Variants in CAMTA1 observed in about 807,000 individuals in gnomAD.
CAMTA1 encodes calmodulin-binding transcription activator 1.
Under a neutral mutation model 170.9 loss-of-function variants are expected in CAMTA1, and 27 were observed. The ratio of observed to expected loss-of-function variants is 0.16; its 90% CI spans 0.12 to 0.22. The LOEUF is 0.22. Ranked by LOEUF, CAMTA1 falls within the 10% of genes least tolerant of loss-of-function variation. The pLI, the probability that CAMTA1 is intolerant of heterozygous loss-of-function variation, is 1.00. For missense variants in CAMTA1, 1,619 were observed against 2,217.2 expected, an observed-to-expected ratio of 0.73 and a Z score of 5.42; for synonymous variants, 833 against 891.5, an observed-to-expected ratio of 0.93 and a Z score of 1.17.
intron 5 of CAMTA1, among the ~76,000 whole-genome samples, chr1:7,272,692 C>CAA (rs371588178): frequency 0.035 from 1,373 of 38,710 alleles, 137 homozygotes; most frequent in Middle Eastern, 0.12. Flanking sequence ...TAAACACATG[C>CAA]AAAAAAAAAA....
At chr1:7,165,827 A>G (rs1648285694) in intron 4 of CAMTA1, among the ~76,000 whole-genome samples, 1 of 152,204 alleles carries the variant, frequency 6.6e-6, no homozygotes, top group Non-Finnish European at 1.5e-5. Flanking sequence ...TTAAAAGTTT[A>G]TATGAGACCA....
At chr1:7,203,699 C>T (rs1252968818) in intron 4 of CAMTA1, among the ~76,000 whole-genome samples, 2 of 151,530 alleles carry the variant, frequency 1.3e-5, no homozygotes, top group African/African-American at 2.4e-5. Context: ...GTTGATAATA[C>T]TGTCCCTGTT....
At chr1:6,850,036 GAA>G (rs146898163) in intron 3 of CAMTA1, among the ~76,000 whole-genome samples, 2,392 of 65,038 alleles carry the variant, frequency 0.037, 25 homozygotes, top group South Asian at 0.065. Flanking sequence ...CTTTGTCTCA[GAA>G]AAAAAAAAAA....
intron 3 of CAMTA1, among the ~76,000 whole-genome samples, chr1:6,864,194 C>G (rs915889466): frequency 6.6e-6 from 1 of 152,160 alleles, no homozygotes; most frequent in African/African-American, 2.4e-5. Flanking sequence ...TTGACACTTT[C>G]CTCTTCTTTT....
intron 1 of CAMTA1, among the ~76,000 whole-genome samples, chr1:6,805,900 CTT>C (rs748335530): frequency 6.6e-6 from 1 of 151,218 alleles, no homozygotes; most frequent in Non-Finnish European, 1.5e-5. Flanking sequence ...TTTTTGGTCA[CTT>C]ATGCTTTTGG....
chr1:7,365,965 A>G (rs1207502287), intron 5 of CAMTA1, among the ~76,000 whole-genome samples: 1 of 152,130 alleles, frequency 6.6e-6, no homozygotes, highest in Non-Finnish European at 1.5e-5. Flanking sequence ...GGTGTCCTCT[A>G]TGGCCCTCTG....
intron 5 of CAMTA1, among the ~76,000 whole-genome samples, chr1:7,390,447 G>T (rs769038038): frequency 1.3e-5 from 2 of 152,198 alleles, no homozygotes; most frequent in Non-Finnish European, 2.9e-5. Flanking sequence ...AAAGGAGCCC[G>T]CAGATCCCAC....
intron 6 of CAMTA1, among the ~76,000 whole-genome samples, chr1:7,469,363 A>AC (rs1468907595): frequency 1.3e-5 from 2 of 152,146 alleles, no homozygotes; most frequent in Non-Finnish European, 2.9e-5. Context: ...TTTCTCCTCT[A>AC]CCCGATGAAG....
At chr1:6,957,544 TC>T (rs1336569019) in intron 3 of CAMTA1, among the ~76,000 whole-genome samples, 1 of 150,906 alleles carries the variant, frequency 6.6e-6, no homozygotes, top group East Asian at 1.9e-4. Flanking sequence ...GGTGGCCCCT[TC>T]CTCCGTCGTC....
At position 7,096,781 on chromosome 1, in the gene CAMTA1, C is replaced by T. The variant is rs181760510; in HGVS notation, c.302+5410C>T. Among the ~76,000 whole-genome samples the T allele has an allele frequency of 1.2e-3, 182 of 152,282 alleles. 1 individual carries two copies. Among genetic ancestry groups the T allele is most frequent in the African/African-American group, 4.3e-3 (179 of 41,544 alleles). ...TCCTACTAGGTTTCCTTCTCTAAGT[C>T]GAACTCCTCCTCCCCATTGGTTTGC... On this transcript the variant is annotated intron_variant, in intron 4 of 22. Coordinates refer to ENST00000303635, the MANE Select transcript of CAMTA1 (RefSeq NM_015215.4).
At position 7,625,795 on chromosome 1, in the gene CAMTA1, C is replaced by T. The variant is rs2095629399; in HGVS notation, c.511-14605C>T. ...GACCAGTTGGCGCTTCCTGCAAAGG[C>T]ATGTGCTCTGGGAAGGGCCTGGCCT... On this transcript the variant is annotated intron_variant, in intron 6 of 22. Transcript: ENST00000303635. Among the ~76,000 whole-genome samples, 5 of 152,294 alleles carry T rather than the reference C, an allele frequency of 3.3e-5. No homozygotes were observed. The South Asian group carries it at 1.0e-3, about 32-fold the overall frequency.
At chr1:7,752,575 A>G (rs906975711) in intron 21 of CAMTA1, 42 bp downstream of exon 21, 41 of 1,473,062 alleles carry the variant, frequency 2.8e-5, no homozygotes, top group Non-Finnish European at 3.6e-5. Flanking sequence ...AGGGAGAATG[A>G]TGAAGCAACC....
At chr1:6,951,847 T>G (rs1688543476) in intron 3 of CAMTA1, among the ~76,000 whole-genome samples, 1 of 151,938 alleles carries the variant, frequency 6.6e-6, no homozygotes, top group Non-Finnish European at 1.5e-5. Context: ...GGTTCCAGGG[T>G]GAGGGTGCAT....
chr1:7,677,543 A>C, intron 10 of CAMTA1, 56 bp from the exon 11 acceptor site: 1 of 1,581,474 alleles, frequency 6.3e-7, no homozygotes, highest in Admixed American at 1.7e-5. Flanking sequence ...TGTGTGGTTC[A>C]CCAGGCTGTA....
chr1:7,187,929 T>C (rs1314077700), intron 4 of CAMTA1, among the ~76,000 whole-genome samples: 1 of 152,168 alleles, frequency 6.6e-6, no homozygotes, highest in Non-Finnish European at 1.5e-5. Context: ...TATAAAGAAA[T>C]ACCCAAGACT....
At chr1:7,464,972 C>G (rs369080702) in intron 5 of CAMTA1, among the ~76,000 whole-genome samples, 21 of 152,180 alleles carry the variant, frequency 1.4e-4, no homozygotes, top group Non-Finnish European at 2.6e-4. Context: ...GAGCTGCTTT[C>G]CCCACTTGGA....
intron 3 of CAMTA1, among the ~76,000 whole-genome samples, chr1:7,082,706 T>A (rs755251132): frequency 6.6e-6 from 1 of 152,170 alleles, no homozygotes; most frequent in Admixed American, 6.5e-5. Context: ...ATTTTCCTGC[T>A]TTCACTTATG....
chr1:6,899,538 ACG>A (rs753718746), intron 3 of CAMTA1, among the ~76,000 whole-genome samples: 7,844 of 117,692 alleles, frequency 0.067, 263 homozygotes, highest in East Asian at 0.12. Context: ...TATGTGTATA[ACG>A]CGCACGCGCG....
In CAMTA1 at chr1:7,333,328, G is replaced by A. The variant is rs959348495; in HGVS notation, c.438+83702G>A. The stretch of plus-strand genomic sequence containing the variant: ...TTGAACCTAGTTGTCATTCCTGCCG[G>A]TGAGGGAGAGACCCGCAGGGGAGTC... On this transcript the variant is annotated intron_variant, in intron 5 of 22. Transcript: ENST00000303635. This position sits in a 1 kb window ranked among gnomAD's most constrained non-coding sequence, Gnocchi z 4.4. Among the ~76,000 whole-genome samples the A allele has an allele frequency of 6.6e-6, 1 of 152,192 alleles. No individual in the cohort carries two copies. The highest frequency in any genetic ancestry group is 1.5e-5 in the Non-Finnish European group (1 of 68,042).
Sources: gnomAD v4.1 joint callset for allele counts (sites outside exome capture counted in the v4.1 genomes callset) on GRCh38, gnomAD v4.1.1 for gene constraint, Gnocchi (gnomAD v3.1) non-coding constraint, MANE v1.5 for transcripts, NCBI Gene and HGNC (gene_info 2026-07-23, HGNC 2026-07-21) for gene names.